PRKN: variants seen among roughly 807,000 people sequenced by gnomAD.
PRKN encodes the protein parkin RBR E3 ubiquitin protein ligase.
Under a neutral mutation model 59.5 loss-of-function variants are expected in PRKN, and 56 were observed. The ratio of observed to expected loss-of-function variants is 0.94; its 90% CI spans 0.76 to 1.18. PRKN has a LOEUF of 1.18. Ranked by LOEUF, PRKN falls within the 50% of genes most tolerant of loss-of-function variation. The pLI, the probability that PRKN is intolerant of heterozygous loss-of-function variation, is 0.00. For synonymous variants in PRKN, 250 were observed against 222.1 expected, an observed-to-expected ratio of 1.13 and a Z score of -1.12; for missense variants, 657 against 596.4, an observed-to-expected ratio of 1.10 and a Z score of -1.06.
chr6:162,727,301 C>CGGCGGCGGGGCGAAGGTGAGG, intron 1 of PRKN: 2 of 334,710 alleles, frequency 6.0e-6, no homozygotes, highest in African/African-American at 2.2e-5. Flanking sequence ...AGGTGAGGGG[C>CGGCGGCGGGGCGAAGGTGAGG]GGCGGCGGGG....
chr6:161,990,380 G>A (rs1339282890), intron 5 of PRKN, among the ~76,000 whole-genome samples: 1 of 114,800 alleles, frequency 8.7e-6, no homozygotes, highest in Non-Finnish European at 1.9e-5. Context: ...AAATACATCT[G>A]TAGAAAAAAG....
At chr6:161,534,456 C>T (rs1779337132) in intron 9 of PRKN, among the ~76,000 whole-genome samples, 1 of 152,226 alleles carries the variant, frequency 6.6e-6, no homozygotes, top group Non-Finnish European at 1.5e-5. Context: ...GCTCACCCCA[C>T]CAGCGGCCCC....
At chr6:162,502,614 T>C (rs79383661) in intron 1 of PRKN, among the ~76,000 whole-genome samples, 2,948 of 152,262 alleles carry the variant, frequency 0.019, 86 homozygotes, top group African/African-American at 0.068. Flanking sequence ...GGCTCATTTC[T>C]TATCATTAAT....
chr6:162,402,942 C>A (rs868719025), intron 2 of PRKN, among the ~76,000 whole-genome samples: 2 of 152,016 alleles, frequency 1.3e-5, no homozygotes, highest in South Asian at 2.1e-4. Context: ...TCTGCCTGGC[C>A]CTGTCATGCA....
intron 7 of PRKN, among the ~76,000 whole-genome samples, chr6:161,699,651 T>G (rs117477374): frequency 6.6e-6 from 1 of 152,178 alleles, no homozygotes; most frequent in East Asian, 1.9e-4. Flanking sequence ...TAATAAAAAT[T>G]TCAGGAAATG....
intron 2 of PRKN, among the ~76,000 whole-genome samples, chr6:162,385,856 G>T (rs531263823): frequency 6.6e-5 from 10 of 151,804 alleles, no homozygotes; most frequent in African/African-American, 2.2e-4. Context: ...ATTCAGTTCG[G>T]TTTTTTCCCT....
intron 2 of PRKN, among the ~76,000 whole-genome samples, chr6:162,266,830 T>C (rs1261521666): frequency 6.6e-6 from 1 of 152,164 alleles, no homozygotes; most frequent in Non-Finnish European, 1.5e-5. Context: ...CTAAAGAGGA[T>C]GGGTCCCTAA....
chr6:162,563,068 C>T (rs1445678921), intron 1 of PRKN, among the ~76,000 whole-genome samples: 7 of 152,068 alleles, frequency 4.6e-5, no homozygotes, highest in South Asian at 2.1e-4. Context: ...TCTGGGAGGC[C>T]GAGGCGGGCG....
In PRKN at chr6:161,498,293, G is replaced by A. The variant is rs1256002076; in HGVS notation, c.1083+50561C>T. ...TGGAATATTTAGCTTTTTATAATTA[G>A]TGTTTGTATTTATTACATTTGTTAT... On this transcript the variant is annotated intron_variant, in intron 9 of 11. Transcript: ENST00000366898. This position sits in a 1 kb window ranked among gnomAD's most constrained non-coding sequence, Gnocchi z 4.2. 6.6e-6 allele frequency among the ~76,000 whole-genome samples: 1 copy of A among 152,106 alleles called. No homozygotes were observed. Among genetic ancestry groups the A allele is most frequent in the African/African-American group, 2.4e-5 (1 of 41,410 alleles).
At chr6:162,440,769 T>C (rs1205901345) in intron 2 of PRKN, among the ~76,000 whole-genome samples, 1 of 152,100 alleles carries the variant, frequency 6.6e-6, no homozygotes, top group Non-Finnish European at 1.5e-5. Context: ...CTTCTTTTTC[T>C]CAGCAGCAAC....
chr6:161,685,964 G>A (rs1260634688), intron 7 of PRKN, among the ~76,000 whole-genome samples: 2 of 151,720 alleles, frequency 1.3e-5, no homozygotes, highest in Non-Finnish European at 2.9e-5. Flanking sequence ...CCAAATCACC[G>A]ATGGGTTTTG....
At position 162,109,890 on chromosome 6, in the gene PRKN, C is replaced by A. The variant is rs182658527; in HGVS notation, c.535-55716G>T. Among the ~76,000 whole-genome samples, 444 of 152,264 alleles carry A rather than the reference C, an allele frequency of 2.9e-3. 1 individual carries two copies. Among genetic ancestry groups the A allele is most frequent in the African/African-American group, 0.01 (428 of 41,552 alleles). On this transcript the variant is annotated intron_variant, in intron 4 of 11. Transcript: ENST00000366898. Reference sequence around the variant, plus strand: ...TCAGGATCTGAAGCATATACAATATCCCCAAGCTTAAATTAGTCATTGTTT... The same window carrying A: ...TCAGGATCTGAAGCATATACAATATACCCAAGCTTAAATTAGTCATTGTTT...
Position 162,004,093 on chromosome 6 carries a change from G to A in PRKN, c.619-30676C>T, listed in dbSNP as rs144855593. On this transcript the variant is annotated intron_variant, in intron 5 of 11. Transcript: ENST00000366898. Reference sequence around the variant, plus strand: ...CCCCACCCAAATCTCATATTGAATTGTAATCCCCAGTGTTGGAGGTGGGGC... The same window carrying A: ...CCCCACCCAAATCTCATATTGAATTATAATCCCCAGTGTTGGAGGTGGGGC... Among the ~76,000 whole-genome samples, 470 of 152,236 alleles carry A rather than the reference G, an allele frequency of 3.1e-3. 1 individual carries two copies. The highest frequency in any genetic ancestry group is 0.011 in the African/African-American group (440 of 41,546).
chr6:161,651,722 A>G (rs1784155526), intron 7 of PRKN, among the ~76,000 whole-genome samples: 1 of 152,160 alleles, frequency 6.6e-6, no homozygotes, highest in African/African-American at 2.4e-5. Context: ...AAGCTGATAT[A>G]CCTTTTAAAG....
At chr6:162,157,931 T>C (rs1782585956) in intron 4 of PRKN, among the ~76,000 whole-genome samples, 1 of 152,088 alleles carries the variant, frequency 6.6e-6, no homozygotes, top group African/African-American at 2.4e-5. Context: ...AACATTTTGT[T>C]GCAACTTTGT....
chr6:162,040,202 C>T (rs1408981597), intron 5 of PRKN, among the ~76,000 whole-genome samples: 2 of 152,142 alleles, frequency 1.3e-5, no homozygotes, highest in Non-Finnish European at 2.9e-5. Context: ...CTGGTCTCTC[C>T]AGCACAGAAG....
intron 7 of PRKN, among the ~76,000 whole-genome samples, chr6:161,672,242 T>C (rs1784935983): frequency 6.6e-6 from 1 of 152,076 alleles, no homozygotes; most frequent in Non-Finnish European, 1.5e-5. Flanking sequence ...TGTATTGTAA[T>C]TCTGATAGGA....
intron 7 of PRKN, among the ~76,000 whole-genome samples, chr6:161,723,952 G>A (rs893487976): frequency 6.6e-6 from 1 of 152,204 alleles, no homozygotes; most frequent in African/African-American, 2.4e-5. Context: ...TCTCCACTGC[G>A]CACTCACCTA....
chr6:161,570,142 A>ATATATATATATAT (rs1354971928), intron 7 of PRKN, among the ~76,000 whole-genome samples: 1 of 130,920 alleles, frequency 7.6e-6, no homozygotes, highest in African/African-American at 3.1e-5. Context: ...AAAAAAAAAA[A>ATATATATATATAT]AAAAATATAT....
Sources: gnomAD v4.1 joint callset for allele counts (sites outside exome capture counted in the v4.1 genomes callset) on GRCh38, gnomAD v4.1.1 for gene constraint, Gnocchi (gnomAD v3.1) non-coding constraint, MANE v1.5 for transcripts, NCBI Gene and HGNC (gene_info 2026-07-23, HGNC 2026-07-21) for gene names.